The following RAPGEF5 variants were observed in gnomAD, a reference collection of about 807,000 sequenced individuals.
The protein encoded by RAPGEF5 is Rap guanine nucleotide exchange factor 5.
RAPGEF5 carries 65 observed loss-of-function variants against 125.2 expected under a neutral mutation model. The ratio of observed to expected loss-of-function variants is 0.52; its 90% CI spans 0.43 to 0.64. The LOEUF is 0.64. Ranked by LOEUF, RAPGEF5 falls within the 30% of genes least tolerant of loss-of-function variation. The pLI, the probability that RAPGEF5 is intolerant of heterozygous loss-of-function variation, is 0.00. For synonymous variants in RAPGEF5, 391 were observed against 385.9 expected (o/e 1.01, Z -0.16); for missense variants, 958 against 1,048.1 (o/e 0.91, Z 1.19).
At chr7:22,221,161 TC>T in intron 8 of RAPGEF5, among the ~76,000 whole-genome samples, 1 of 152,314 alleles carries the variant, frequency 6.6e-6, no homozygotes, top group South Asian at 2.1e-4. Context: ...GTGGAATTCC[TC>T]CACCAAAGTC....
intron 6 of RAPGEF5, among the ~76,000 whole-genome samples, chr7:22,289,387 T>C (rs1166961522): frequency 1.3e-5 from 2 of 152,248 alleles, no homozygotes; most frequent in Non-Finnish European, 2.9e-5. Context: ...CTGAATGACC[T>C]TAGGCAAGCT....
At position 22,145,450 on chromosome 7, in the gene RAPGEF5, T is replaced by C. The variant is rs144170293; in HGVS notation, c.2008-228A>G. 2.3e-3 allele frequency among the ~76,000 whole-genome samples: 345 copies of C among 152,376 alleles called. 1 individual carries two copies. Among genetic ancestry groups the C allele is most frequent in the African/African-American group, 8.1e-3 (335 of 41,582 alleles). On this transcript the variant is annotated intron_variant, in intron 19 of 25. Transcript: ENST00000665637. The stretch of plus-strand genomic sequence containing the variant: ...CTTATATAAGTGATTTTTCAGAATG[T>C]AAGGAAGACATCTTTATATACAAAT...
chr7:22,303,651 G>A (rs1783264476), intron 5 of RAPGEF5, among the ~76,000 whole-genome samples: 1 of 152,146 alleles, frequency 6.6e-6, no homozygotes. Flanking sequence ...TTATTAAAAG[G>A]AACACAAAAT....
intron 7 of RAPGEF5, among the ~76,000 whole-genome samples, chr7:22,262,060 C>CT (rs1463978288): frequency 6.6e-6 from 1 of 152,068 alleles, no homozygotes; most frequent in Non-Finnish European, 1.5e-5. Context: ...ATAAATTGGA[C>CT]TTTATCAAAA....
intron 17 of RAPGEF5, among the ~76,000 whole-genome samples, chr7:22,152,256 A>G (rs112795748): frequency 1.8e-4 from 27 of 152,314 alleles, no homozygotes; most frequent in African/African-American, 6.5e-4. Context: ...GGTGACATGT[A>G]TAGCGGATGG....
chr7:22,145,579 G>A (rs1783408947), intron 19 of RAPGEF5, among the ~76,000 whole-genome samples: 1 of 152,182 alleles, frequency 6.6e-6, no homozygotes, highest in Non-Finnish European at 1.5e-5. Flanking sequence ...AGTAGTACTA[G>A]TATTTGTTAA....
intron 19 of RAPGEF5, among the ~76,000 whole-genome samples, chr7:22,146,131 A>T (rs1240188183): frequency 1.3e-5 from 2 of 152,164 alleles, no homozygotes; most frequent in Non-Finnish European, 2.9e-5. Flanking sequence ...ATAATATTGA[A>T]ATCTGTTTAA....
chr7:22,351,063 T>G (rs759109438), intron 1 of RAPGEF5, among the ~76,000 whole-genome samples: 1 of 152,216 alleles, frequency 6.6e-6, no homozygotes, highest in Non-Finnish European at 1.5e-5. Context: ...TTCACAAGGT[T>G]TTTGGATTGA....
intron 9 of RAPGEF5, among the ~76,000 whole-genome samples, chr7:22,196,166 AT>A (rs1785143450): frequency 6.6e-6 from 1 of 152,244 alleles, no homozygotes; most frequent in South Asian, 2.1e-4. Flanking sequence ...AGAAAAATTA[AT>A]GTACAAAGGG....
Position 22,181,253 on chromosome 7 carries a change from C to G in RAPGEF5, c.1204+12114G>C, listed in dbSNP as rs566315899. Among the ~76,000 whole-genome samples, 6 of 152,206 alleles carry G rather than the reference C, an allele frequency of 3.9e-5. No individual in the cohort carries two copies. The South Asian group carries it at 1.2e-3, about 32-fold the overall frequency. On this transcript the variant is annotated intron_variant, in intron 11 of 25. Transcript: ENST00000665637. ...TCAAAGAAAACTTAGGGGGAAAAAG[C>G]TTACTTGCTGTCAGTACTACATAAA... is the stretch of plus-strand genomic sequence containing the variant.
rs1319212628 is a variant in RAPGEF5, at chr7:22,119,346, C to T, written c.*3060G>A. 4 of 152,110 alleles carry T rather than the reference C, an allele frequency of 2.6e-5. No individual in the cohort carries two copies. Among genetic ancestry groups the T allele is most frequent in the Admixed American group, 6.5e-5 (1 of 15,270 alleles). The allele number at this position is 152,110 out of a possible 1,614,324, so 9.4% of individuals were successfully genotyped here. ...CTCCACACTACCTGTTTGTGGTTCT[C>T]GGTCTAGGGAAATGAATTTATTCTA... is the stretch of plus-strand genomic sequence containing the variant. On this transcript the variant is annotated 3_prime_UTR_variant, in exon 26 of 26. Transcript: ENST00000665637. The surrounding 1 kb of genome is among the most constrained non-coding windows in gnomAD (Gnocchi z 4.1).
At chr7:22,235,919 G>A (rs932122780) in intron 7 of RAPGEF5, among the ~76,000 whole-genome samples, 2 of 152,094 alleles carry the variant, frequency 1.3e-5, no homozygotes, top group African/African-American at 4.8e-5. Flanking sequence ...GAAGAAAAAA[G>A]GTAATTGTAA....
At chr7:22,254,608 CAAAAAAAAAAA>C (rs11330777) in intron 7 of RAPGEF5, among the ~76,000 whole-genome samples, 3 of 83,020 alleles carry the variant, frequency 3.6e-5, no homozygotes, top group South Asian at 4.0e-4. Flanking sequence ...AACTCCGTCT[CAAAAAAAAAAA>C]AAAAAAAAAA....
intron 7 of RAPGEF5, among the ~76,000 whole-genome samples, chr7:22,246,615 T>C (rs936760452): frequency 6.6e-6 from 1 of 152,134 alleles, no homozygotes; most frequent in Non-Finnish European, 1.5e-5. Context: ...CGTCAAACTA[T>C]AAGAATACTA....
chr7:22,254,895 T>C (rs1390718517), intron 7 of RAPGEF5, among the ~76,000 whole-genome samples: 4 of 152,150 alleles, frequency 2.6e-5, no homozygotes, highest in Non-Finnish European at 5.9e-5. Flanking sequence ...GTGGTGGAAC[T>C]CAGCGGGTAA....
chr7:22,324,961 A>G lies in RAPGEF5; in HGVS notation c.232-6924T>C, dbSNP rs554128314. Among the ~76,000 whole-genome samples the G allele has an allele frequency of 1.3e-4, 20 of 152,312 alleles. No individual in the cohort carries two copies. In the South Asian group the frequency reaches 4.1e-3, roughly 32 times the overall value. ...CAAAGTTCCTGCTGCACTTCTCTACAGACACTCTGCTTCAGCCAGGCAGGT... is the reference window on the plus strand; with the variant it reads ...CAAAGTTCCTGCTGCACTTCTCTACGGACACTCTGCTTCAGCCAGGCAGGT... On this transcript the variant is annotated intron_variant, in intron 1 of 25. Transcript: ENST00000665637.
Position 22,343,800 on chromosome 7 carries a change from A to G in RAPGEF5, c.231+13030T>C, listed in dbSNP as rs550358475. Among the ~76,000 whole-genome samples the G allele has an allele frequency of 1.1e-4, 16 of 152,332 alleles. No individual in the cohort carries two copies. The South Asian group carries it at 2.9e-3, about 28-fold the overall frequency. On this transcript the variant is annotated intron_variant, in intron 1 of 25. Transcript: ENST00000665637. ...TGAATGTAGTTTTGGCAGGCATTTCAGAACATGTTCAATACACGGTGACAA... is the reference window on the plus strand; with the variant it reads ...TGAATGTAGTTTTGGCAGGCATTTCGGAACATGTTCAATACACGGTGACAA...
intron 2 of RAPGEF5, among the ~76,000 whole-genome samples, chr7:22,316,487 A>T (rs199524694): frequency 0.3 from 9,687 of 32,180 alleles, 818 homozygotes; most frequent in East Asian, 0.47. Flanking sequence ...ATATATATAT[A>T]TATTTTTTTT....
At chr7:22,250,409 C>T (rs1477198281) in intron 7 of RAPGEF5, among the ~76,000 whole-genome samples, 1 of 152,118 alleles carries the variant, frequency 6.6e-6, no homozygotes. Context: ...CATCACTTAT[C>T]CTGGTGGAAT....
Sources: gnomAD v4.1 joint callset for allele counts (sites outside exome capture counted in the v4.1 genomes callset) on GRCh38, gnomAD v4.1.1 for gene constraint, Gnocchi (gnomAD v3.1) non-coding constraint, MANE v1.5 for transcripts, NCBI Gene and HGNC (gene_info 2026-07-23, HGNC 2026-07-21) for gene names.